PCBP2: variants seen among roughly 807,000 people sequenced by gnomAD.
The protein encoded by PCBP2 is poly(rC)-binding protein 2.
Under a neutral mutation model 50.1 loss-of-function variants are expected in PCBP2, and 4 were observed. The ratio of observed to expected loss-of-function variants is 0.08; its 90% CI spans 0.04 to 0.18. PCBP2 has a LOEUF of 0.18. Among genes scored for constraint, PCBP2 ranks in the 10% least tolerant of loss-of-function variants. The pLI is 1.00. For missense variants in PCBP2, 161 were observed against 474.3 expected (o/e 0.34, Z 6.14); for synonymous variants, 179 against 168.0 (o/e 1.07, Z -0.51).
At chr12:53,471,924 GTTTT>G in intron 14 of PCBP2, 117 bp downstream of exon 14, 8 of 436,868 alleles carry the variant, frequency 1.8e-5, no homozygotes, top group Non-Finnish European at 1.8e-5. Flanking sequence ...TGGCCAAAAG[GTTTT>G]TTTTTTTTTT....
At chr12:53,463,443 G>T (rs1941591820) in intron 8 of PCBP2, among the ~76,000 whole-genome samples, 1 of 152,146 alleles carries the variant, frequency 6.6e-6, no homozygotes, top group Admixed American at 6.5e-5. Context: ...ATGGGTGGTT[G>T]TATCTGTACT....
intron 5 of PCBP2, among the ~76,000 whole-genome samples, chr12:53,456,714 T>C (rs1941045982): frequency 6.6e-6 from 1 of 152,208 alleles, no homozygotes; most frequent in Non-Finnish European, 1.5e-5. Context: ...ACCTAGGTTA[T>C]CAGAAGGAAA....
intron 8 of PCBP2, 135 bp from the exon 9 acceptor site, chr12:53,464,625 G>T: frequency 1.6e-6 from 2 of 1,232,150 alleles, no homozygotes; most frequent in Non-Finnish European, 1.1e-6. Flanking sequence ...ATTACAGCTC[G>T]TTTCAAATTG....
chr12:53,452,600 C>A (rs1350805732), intron 1 of PCBP2, among the ~76,000 whole-genome samples: 1 of 151,584 alleles, frequency 6.6e-6, no homozygotes, highest in African/African-American at 2.4e-5. Flanking sequence ...CCCGCCTTTT[C>A]CCGGTGGCGG....
intron 14 of PCBP2, chr12:53,476,020 A>AGT (rs1489703048): frequency 6.6e-6 from 1 of 152,216 alleles, no homozygotes; most frequent in African/African-American, 2.4e-5. Flanking sequence ...GGAGGGGCAA[A>AGT]GTGGGATAAG....
chr12:53,464,180 C>A (rs1165566393), intron 8 of PCBP2, among the ~76,000 whole-genome samples: 6 of 152,116 alleles, frequency 3.9e-5, no homozygotes, highest in Non-Finnish European at 8.8e-5. Context: ...CTGGATTCTC[C>A]CACTCCCCCT....
At chr12:53,464,621 G>A in intron 8 of PCBP2, 139 bp from the exon 9 acceptor site, 1 of 1,186,530 alleles carries the variant, frequency 8.4e-7, no homozygotes, top group Non-Finnish European at 1.2e-6. Flanking sequence ...ACTGATTACA[G>A]CTCGTTTCAA....
chr12:53,471,346 A>G (rs1030479729), intron 13 of PCBP2, among the ~76,000 whole-genome samples: 2 of 151,248 alleles, frequency 1.3e-5, no homozygotes. Context: ...TTGGGAGGCC[A>G]AGGTGGGTGG....
chr12:53,468,605 C>T lies in PCBP2; in HGVS notation c.827-172C>T. On this transcript the variant is annotated intron_variant, in intron 12 of 14. Transcript: ENST00000546463. Reference sequence around the variant, plus strand: ...CAGAAGAACCTTTCGAGCATTATTTCTACACCCTTCTCCCCCACTCTTTCC... The same window carrying T: ...CAGAAGAACCTTTCGAGCATTATTTTTACACCCTTCTCCCCCACTCTTTCC... 3 of 610,884 alleles carry T rather than the reference C, an allele frequency of 4.9e-6. No individual in the cohort carries two copies. In the South Asian group the frequency reaches 5.8e-5, roughly 12 times the overall value. The allele number at this position is 610,884 out of a possible 1,614,324, so 37.8% of individuals were successfully genotyped here.
At position 53,459,262 on chromosome 12, in the gene PCBP2, C is replaced by T. The variant is rs1301575593; in HGVS notation, c.244-10C>T. 1.3e-6 allele frequency: 2 copies of T among 1,591,438 alleles called. No homozygotes were observed. The highest frequency in any genetic ancestry group is 1.7e-6 in the Non-Finnish European group (2 of 1,168,060). On this transcript the variant is annotated splice_polypyrimidine_tract_variant and intron_variant, in intron 5 of 14. Transcript: ENST00000546463. ...GGATCTGCTTATTGTGGTGTTCTTT[C>T]TTTCTGTAGGACATAAGCAGCTCTA... is the stretch of plus-strand genomic sequence containing the variant.
At chr12:53,464,572 G>GT in intron 8 of PCBP2, 188 bp from the exon 9 acceptor site, 1 of 678,718 alleles carries the variant, frequency 1.5e-6, no homozygotes, top group Admixed American at 3.2e-5. Flanking sequence ...CAATTGTGCA[G>GT]TGTGAAATCT....
chr12:53,458,615 A>AT (rs1941221439), intron 5 of PCBP2, among the ~76,000 whole-genome samples: 1 of 133,374 alleles, frequency 7.5e-6, no homozygotes, highest in South Asian at 2.4e-4. Flanking sequence ...TCTGTTTTAT[A>AT]TTTTTTCTTA....
At position 53,461,089 on chromosome 12, in the gene PCBP2, C is replaced by T; in HGVS notation, c.450C>T (p.Gly150=). ...NSTERAITIA[G]IPQSIIECVK... is the part of the protein sequence containing the mutation. ...CTGAGCGGGCCATCACTATTGCTGGCATTCCACAATCCATCATTGAGTGTG... is the reference window on the plus strand; with the variant it reads ...CTGAGCGGGCCATCACTATTGCTGGTATTCCACAATCCATCATTGAGTGTG... Residue 150 remains glycine, a synonymous_variant, in exon 7 of 15, where the codon GGC becomes GGT. Transcript: ENST00000546463. 1 of 1,614,026 alleles carries T rather than the reference C, an allele frequency of 6.2e-7. No individual in the cohort carries two copies. Among genetic ancestry groups the T allele is most frequent in the Non-Finnish European group, 8.5e-7 (1 of 1,179,978 alleles).
At chr12:53,479,299 G>T (rs1344198064) in intron 14 of PCBP2, 107 bp from the exon 15 acceptor site, 1 of 933,480 alleles carries the variant, frequency 1.1e-6, no homozygotes, top group Non-Finnish European at 1.8e-6. Context: ...TGTCTCCCTT[G>T]GTACTCCAGC....
At chr12:53,455,427 C>T (rs1475054993) in intron 3 of PCBP2, 34 bp from the exon 4 acceptor site, 1 of 1,613,758 alleles carries the variant, frequency 6.2e-7, no homozygotes, top group Non-Finnish European at 8.5e-7. Flanking sequence ...ATTGAAGTAG[C>T]AGTTGGAGCT....
intron 1 of PCBP2, among the ~76,000 whole-genome samples, chr12:53,453,668 G>T (rs1940754401): frequency 6.6e-6 from 1 of 152,166 alleles, no homozygotes; most frequent in South Asian, 2.1e-4. Flanking sequence ...TAAAAGGATG[G>T]ATACTTAAAA....
At chr12:53,458,343 T>C (rs1228025321) in intron 5 of PCBP2, among the ~76,000 whole-genome samples, 1 of 152,142 alleles carries the variant, frequency 6.6e-6, no homozygotes. Flanking sequence ...TCTCATTCTG[T>C]TCCCTAGGCT....
chr12:53,477,260 TC>T (rs1942651633), intron 14 of PCBP2, among the ~76,000 whole-genome samples: 1 of 152,174 alleles, frequency 6.6e-6, no homozygotes, highest in South Asian at 2.1e-4. Context: ...ATCTAGCAGT[TC>T]CTTTCTTAGA....
At chr12:53,461,488 A>G (rs1941439594) in intron 7 of PCBP2, among the ~76,000 whole-genome samples, 1 of 152,220 alleles carries the variant, frequency 6.6e-6, no homozygotes, top group African/African-American at 2.4e-5. Context: ...TTTTGGTTAC[A>G]TGGAAATTTG....
Sources: allele counts gnomAD v4.1 joint callset (sites outside exome capture counted in the v4.1 genomes callset), GRCh38; gene constraint gnomAD v4.1.1; transcripts MANE v1.5; gene names NCBI Gene and HGNC (gene_info 2026-07-23, HGNC 2026-07-21).